RPL37A: variants seen among roughly 807,000 people sequenced by gnomAD.
RPL37A encodes ribosomal protein L37a, also known as large ribosomal subunit protein eL43.
In RPL37A, 5 loss-of-function variants were observed where a neutral mutation model predicts 13.6. That is an observed-to-expected ratio of 0.37 (90% confidence interval 0.19 to 0.78). The LOEUF (loss-of-function observed/expected upper bound fraction) is 0.78. Among genes scored for constraint, RPL37A ranks in the 30% least tolerant of loss-of-function variants. The pLI is 0.49. For synonymous variants in RPL37A, 50 were observed against 44.4 expected, an observed-to-expected ratio of 1.13 and a Z score of -0.50; for missense variants, 77 against 120.0, an observed-to-expected ratio of 0.64 and a Z score of 1.67.
chr2:216,498,911 A>G (rs375823261), intron 1 of RPL37A, 34 bp downstream of exon 1: 122 of 1,613,422 alleles, frequency 7.6e-5, no homozygotes, highest in Non-Finnish European at 9.3e-5. Flanking sequence ...CTAGAACTCT[A>G]TCTGCCTGCA....
Position 216,501,472 on chromosome 2 carries a change from C to T in RPL37A, c.*68C>T. 8.6e-7 allele frequency: 1 copy of T among 1,163,122 alleles called. No homozygotes were observed. The highest frequency in any genetic ancestry group is 1.3e-6 in the Non-Finnish European group (1 of 784,396). 72.1% of individuals were successfully genotyped at this position (1,163,122 alleles called of 1,614,324 possible). On this transcript the variant is annotated 3_prime_UTR_variant, in exon 4 of 4. Transcript: ENST00000491306. Reference sequence around the variant, plus strand: ...GGGTTAATTTATGTAACAAAATTGCCTTGGCTTGTTAACTTTATTAGACAT... The same window carrying T: ...GGGTTAATTTATGTAACAAAATTGCTTTGGCTTGTTAACTTTATTAGACAT...
Position 216,502,293 on chromosome 2 carries a change from C to CT in RPL37A, c.*892dup, listed in dbSNP as rs1267420570. 6.6e-6 allele frequency: 1 copy of CT among 152,016 alleles called. No homozygotes were observed. The highest frequency in any genetic ancestry group is 1.5e-5 in the Non-Finnish European group (1 of 68,042). 9.4% of individuals were successfully genotyped at this position (152,016 alleles called of 1,614,324 possible). A position where few individuals can be genotyped will look rare whatever the true frequency, so the allele number is the denominator to read the frequency against. On this transcript the variant is annotated 3_prime_UTR_variant, in exon 4 of 4. Transcript: ENST00000491306. Reference sequence around the variant, plus strand: ...AGTGGGCCAGGATCGTGCCACTGCACTTTATTTAGCCAGGACAACACTCTG... The same window carrying CT: ...AGTGGGCCAGGATCGTGCCACTGCACTTTTATTTAGCCAGGACAACACTCTG...
In RPL37A at chr2:216,503,470, C is replaced by T. The variant is rs955717126; in HGVS notation, c.*2066C>T. On this transcript the variant is annotated 3_prime_UTR_variant, in exon 4 of 4. Transcript: ENST00000491306. Reference sequence around the variant, plus strand: ...AGTGCAGTGGCATGATCTCAGTTCACTGCAGCCTCTACCTCCCGGGTTCAA... The same window carrying T: ...AGTGCAGTGGCATGATCTCAGTTCATTGCAGCCTCTACCTCCCGGGTTCAA... 1 of 152,214 alleles carries T rather than the reference C, an allele frequency of 6.6e-6. No individual in the cohort carries two copies. The highest frequency in any genetic ancestry group is 2.4e-5 in the African/African-American group (1 of 41,436). 9.4% of individuals were successfully genotyped at this position (152,214 alleles called of 1,614,324 possible).
rs1456488759 is a variant in RPL37A at position 216,498,896 on chromosome 2, G to A, written c.3+19G>A. ...CGACATGGTGAGTGTGGGTCTCTGT[G>A]CGGCCTAGAACTCTATCTGCCTGCA... On this transcript the variant is annotated intron_variant, in intron 1 of 3. Coordinates refer to ENST00000491306, the MANE Select transcript of RPL37A (RefSeq NM_000998.5). The A allele has an allele frequency of 6.2e-7, 1 of 1,613,900 alleles. No individual in the cohort carries two copies. Among genetic ancestry groups the A allele is most frequent in the Non-Finnish European group, 8.5e-7 (1 of 1,179,908 alleles).
In RPL37A at chr2:216,502,282, G is replaced by C. The variant is rs192353890; in HGVS notation, c.*878G>C. 6.6e-6 allele frequency: 1 copy of C among 152,130 alleles called. No homozygotes were observed. Among genetic ancestry groups the C allele is most frequent in the East Asian group, 1.9e-4 (1 of 5,138 alleles). 9.4% of individuals were successfully genotyped at this position (152,130 alleles called of 1,614,324 possible). A position where few individuals can be genotyped will look rare whatever the true frequency, so the allele number is the denominator to read the frequency against. On this transcript the variant is annotated 3_prime_UTR_variant, in exon 4 of 4. Coordinates refer to ENST00000491306, the MANE Select transcript of RPL37A (RefSeq NM_000998.5). Reference sequence around the variant, plus strand: ...GCGGAGGTTGCAGTGGGCCAGGATCGTGCCACTGCACTTTATTTAGCCAGG... The same window carrying C: ...GCGGAGGTTGCAGTGGGCCAGGATCCTGCCACTGCACTTTATTTAGCCAGG...
chr2:216,501,365 G>A lies in RPL37A; in HGVS notation c.240G>A (p.Lys80=), dbSNP rs1804342. The change falls in exon 4 of 4, where the codon AAG becomes AAA. Residue 80 remains lysine, a synonymous_variant. Transcript: ENST00000491306. The part of the protein sequence containing the change: ...TYNTTSAVTV[K]SAIRRLKELK... ...GTACCACTTCCGCTGTCACGGTAAA[G>A]TCCGCCATCAGAAGACTGAAGGAGT... is the stretch of plus-strand genomic sequence containing the variant. 10 of 1,612,502 alleles carry A rather than the reference G, an allele frequency of 6.2e-6. No homozygotes were observed. Among genetic ancestry groups the A allele is most frequent in the Non-Finnish European group, 8.5e-6 (10 of 1,179,644 alleles).
chr2:216,499,634 T>A, intron 2 of RPL37A: 1 of 636,984 alleles, frequency 1.6e-6, no homozygotes, highest in Non-Finnish European at 2.7e-6. Flanking sequence ...TTTGACAGAG[T>A]GCCCCCAGCC....
At chr2:216,499,438 C>T in intron 2 of RPL37A, 40 bp downstream of exon 2, 1 of 1,607,600 alleles carries the variant, frequency 6.2e-7, no homozygotes, top group Non-Finnish European at 8.5e-7. Context: ...AGAGGGAGGG[C>T]AGGTTTCTTA....
At chr2:216,500,154 A>G in intron 3 of RPL37A, 123 bp downstream of exon 3, 1 of 710,390 alleles carries the variant, frequency 1.4e-6, no homozygotes, top group South Asian at 1.7e-5. Flanking sequence ...ATGCCTTTGT[A>G]TTTTCAGGAT....
intron 3 of RPL37A, chr2:216,500,277 A>G (rs553201603): frequency 8.2e-5 from 45 of 549,548 alleles, no homozygotes; most frequent in African/African-American, 7.4e-4. Flanking sequence ...CACTGGGCAC[A>G]TTGTTGTGAA....
chr2:216,499,642 G>C (rs1695563072), intron 2 of RPL37A: 1 of 634,142 alleles, frequency 1.6e-6, no homozygotes. Context: ...AGTGCCCCCA[G>C]CCTAAGCCAA....
chr2:216,501,265 C>T (rs527563824), intron 3 of RPL37A, 76 bp from the exon 4 acceptor site: 9 of 1,245,332 alleles, frequency 7.2e-6, no homozygotes, highest in South Asian at 6.2e-5. Flanking sequence ...AACACAAAAA[C>T]GAGGCAGATT....
At chr2:216,499,803 AT>A (rs1220335937) in intron 2 of RPL37A, 145 bp from the exon 3 acceptor site, 1 of 759,252 alleles carries the variant, frequency 1.3e-6, no homozygotes, top group African/African-American at 1.7e-5. Flanking sequence ...AAAATACTGC[AT>A]TACAGCAATC....
chr2:216,499,620 A>G lies in RPL37A; in HGVS notation c.132+222A>G, dbSNP rs1179738229. ...CGCTTAAACGTTAATGGGTAAAATA[A>G]TCATTTGACAGAGTGCCCCCAGCCT... is the stretch of plus-strand genomic sequence containing the variant. On this transcript the variant is annotated intron_variant, in intron 2 of 3. Coordinates refer to ENST00000491306, the MANE Select transcript of RPL37A (RefSeq NM_000998.5). 4.6e-6 allele frequency: 3 copies of G among 646,752 alleles called. No homozygotes were observed. The African/African-American group carries it at 5.5e-5, about 12-fold the overall frequency. 40.1% of individuals were successfully genotyped at this position (646,752 alleles called of 1,614,324 possible). A position where few individuals can be genotyped will look rare whatever the true frequency, so the allele number is the denominator to read the frequency against.
chr2:216,499,034 A>G (rs1695550384), intron 1 of RPL37A, 157 bp downstream of exon 1: 1 of 1,273,104 alleles, frequency 7.9e-7, no homozygotes, highest in East Asian at 2.5e-5. Flanking sequence ...CCCAAGGCGG[A>G]GGGGCGGGGG....
chr2:216,502,701 AGTC>A lies in RPL37A; in HGVS notation c.*1298_*1300del, dbSNP rs1428160888. The A allele has an allele frequency of 6.6e-6, 1 of 152,240 alleles. No homozygotes were observed. Among genetic ancestry groups the A allele is most frequent in the African/African-American group, 2.4e-5 (1 of 41,452 alleles). The allele number at this position is 152,240 out of a possible 1,614,324, so 9.4% of individuals were successfully genotyped here. ...GTCTTTTATCTATCCCAGAGTCAGT[AGTC>A]CTTTAAGGATGCAAATTTAATTCGA... On this transcript the variant is annotated 3_prime_UTR_variant, in exon 4 of 4. Coordinates refer to ENST00000491306, the MANE Select transcript of RPL37A (RefSeq NM_000998.5).
Position 216,498,867 on chromosome 2 carries a change from G to T in RPL37A, c.-8G>T. 1 of 1,614,102 alleles carries T rather than the reference G, an allele frequency of 6.2e-7. No individual in the cohort carries two copies. ...TCCTTTCTGGGCTCGGACCTAGGTC[G>T]CGGCGACATGGTGAGTGTGGGTCTC... On this transcript the variant is annotated 5_prime_UTR_variant, in exon 1 of 4. Coordinates refer to ENST00000491306, the MANE Select transcript of RPL37A (RefSeq NM_000998.5).
Position 216,503,071 on chromosome 2 carries a change from G to C in RPL37A, c.*1667G>C, listed in dbSNP as rs1695626039. 6.6e-6 allele frequency: 1 copy of C among 152,186 alleles called. No homozygotes were observed. The highest frequency in any genetic ancestry group is 1.5e-5 in the Non-Finnish European group (1 of 68,036). 9.4% of individuals were successfully genotyped at this position (152,186 alleles called of 1,614,324 possible). A position where few individuals can be genotyped will look rare whatever the true frequency, so the allele number is the denominator to read the frequency against. ...AAGTCAGGATTTTCAGGCTTCATAG[G>C]AATGACACAGCTCTCCAGGTGAATC... On this transcript the variant is annotated 3_prime_UTR_variant, in exon 4 of 4. Transcript: ENST00000491306.
At chr2:216,500,244 A>T in intron 3 of RPL37A, 1 of 586,672 alleles carries the variant, frequency 1.7e-6, no homozygotes, top group Non-Finnish European at 3.0e-6. Flanking sequence ...TCTAATTCAC[A>T]GACTACTTTA....
Sources: gnomAD v4.1 joint callset for allele counts on GRCh38, gnomAD v4.1.1 for gene constraint, MANE v1.5 for transcripts, NCBI Gene and HGNC (gene_info 2026-07-23, HGNC 2026-07-21) for gene names.